The following INSYN2B variants were observed in gnomAD, a reference collection of about 807,000 sequenced individuals.
INSYN2B encodes inhibitory synaptic factor family member 2B, also known as protein INSYN2B.
INSYN2B carries 16 observed loss-of-function variants against 41.2 expected under a neutral mutation model. The ratio of observed to expected loss-of-function variants is 0.39; its 90% CI spans 0.26 to 0.59. The LOEUF is 0.59. Among genes scored for constraint, INSYN2B ranks in the 20% least tolerant of loss-of-function variants. The pLI, the probability that INSYN2B is intolerant of heterozygous loss-of-function variation, is 0.57. For missense variants in INSYN2B, 608 were observed against 646.4 expected, an observed-to-expected ratio of 0.94 and a Z score of 0.64; for synonymous variants, 245 against 244.4, an observed-to-expected ratio of 1.00 and a Z score of -0.02.
At chr5:169,868,608 A>C (rs1344955058) in intron 3 of INSYN2B, among the ~76,000 whole-genome samples, 1 of 152,130 alleles carries the variant, frequency 6.6e-6, no homozygotes, top group African/African-American at 2.4e-5. Context: ...AAAGTAAAAA[A>C]TTAGCCATGT....
At chr5:169,955,831 G>A (rs556686927) in intron 1 of INSYN2B, among the ~76,000 whole-genome samples, 9 of 152,288 alleles carry the variant, frequency 5.9e-5, no homozygotes, top group African/African-American at 1.9e-4. Context: ...AGGCTCCATC[G>A]ATTCAGTTCC....
At chr5:169,948,593 A>C (rs1776537228) in intron 1 of INSYN2B, among the ~76,000 whole-genome samples, 2 of 137,666 alleles carry the variant, frequency 1.5e-5, no homozygotes, top group African/African-American at 5.4e-5. Context: ...CTCCTTTCTT[A>C]TTCCTTCCTT....
chr5:169,864,311 T>C lies in INSYN2B; in HGVS notation c.1570A>G (p.Thr524Ala). 1.3e-6 allele frequency: 2 copies of C among 1,551,574 alleles called. No homozygotes were observed. Among genetic ancestry groups the C allele is most frequent in the South Asian group, 1.2e-5 (1 of 84,056 alleles). Residue 524 changes from threonine to alanine, a missense_variant, in exon 4 of 4, where the codon ACC becomes GCC. Transcript: ENST00000377365. Reference protein sequence around the residue: ...APEKQDLRRKTKKVKKKCFWW... With the variant: ...APEKQDLRRKAKKVKKKCFWW... ...AAGCATTTCTTTTTCACCTTCTTGGTTTTCCGCCTTAAGTCCTGCTTTTCC... is the reference window on the plus strand; with the variant it reads ...AAGCATTTCTTTTTCACCTTCTTGGCTTTCCGCCTTAAGTCCTGCTTTTCC...
At chr5:169,978,482 G>A (rs1488224770) in intron 1 of INSYN2B, among the ~76,000 whole-genome samples, 2 of 149,994 alleles carry the variant, frequency 1.3e-5, no homozygotes, top group Non-Finnish European at 3.0e-5. Flanking sequence ...TATTGGCATT[G>A]TCAATATCAT....
chr5:169,977,688 A>G (rs938486330), intron 1 of INSYN2B, among the ~76,000 whole-genome samples: 1 of 152,308 alleles, frequency 6.6e-6, no homozygotes, highest in Admixed American at 6.5e-5. Flanking sequence ...GTACTGCCTT[A>G]TCCATCCTGC....
At chr5:169,880,587 C>T (rs1317997613) in intron 3 of INSYN2B, among the ~76,000 whole-genome samples, 1 of 152,210 alleles carries the variant, frequency 6.6e-6, no homozygotes, top group African/African-American at 2.4e-5. Flanking sequence ...GGGCATTGAT[C>T]TTTCTAGTAA....
chr5:169,893,867 T>C (rs1031328943), intron 1 of INSYN2B, among the ~76,000 whole-genome samples: 27 of 152,144 alleles, frequency 1.8e-4, no homozygotes, highest in African/African-American at 6.3e-4. Flanking sequence ...GGCAGGAAAA[T>C]CGTTTTCCAT....
intron 1 of INSYN2B, among the ~76,000 whole-genome samples, chr5:169,890,979 A>G (rs79880772): frequency 0.02 from 3,014 of 152,254 alleles, 102 homozygotes; most frequent in African/African-American, 0.069. Context: ...GTCCCACTAC[A>G]TTTAAATTAA....
intron 3 of INSYN2B, among the ~76,000 whole-genome samples, chr5:169,868,062 G>C (rs1309528444): frequency 6.6e-6 from 1 of 152,144 alleles, no homozygotes; most frequent in African/African-American, 2.4e-5. Context: ...GTACCAGATA[G>C]AGCCAAAGAG....
chr5:169,880,132 T>C (rs1772553741), intron 3 of INSYN2B, among the ~76,000 whole-genome samples: 1 of 152,230 alleles, frequency 6.6e-6, no homozygotes, highest in African/African-American at 2.4e-5. Flanking sequence ...TTTCCAATGC[T>C]GCAGGGCTCT....
intron 1 of INSYN2B, among the ~76,000 whole-genome samples, chr5:169,895,446 T>C (rs115796250): frequency 0.062 from 9,342 of 151,044 alleles, 359 homozygotes; most frequent in Non-Finnish European, 0.088. Context: ...GGACAGGGGG[T>C]GGTCTCACTC....
In INSYN2B at chr5:169,881,272, C is replaced by T; in HGVS notation, c.1421+96G>A. The stretch of plus-strand genomic sequence containing the variant: ...TCATAGTTAAATACCTTGTTTTTGC[C>T]TCTCTTGACTTTTTGCATTTAAAAG... On this transcript the variant is annotated intron_variant, in intron 3 of 3. Coordinates refer to ENST00000377365, the MANE Select transcript of INSYN2B (RefSeq NM_001129891.3). 4 of 1,007,336 alleles carry T rather than the reference C, an allele frequency of 4.0e-6. No individual in the cohort carries two copies. The Admixed American group carries it at 6.9e-5, about 17-fold the overall frequency. The allele number at this position is 1,007,336 out of a possible 1,614,324, so 62.4% of individuals were successfully genotyped here.
At chr5:169,974,602 G>C (rs771666282) in intron 1 of INSYN2B, among the ~76,000 whole-genome samples, 1 of 152,128 alleles carries the variant, frequency 6.6e-6, no homozygotes, top group Non-Finnish European at 1.5e-5. Flanking sequence ...ATGTTTGCAG[G>C]AAAGAGTGGG....
rs367947055 is a variant in INSYN2B at position 169,931,390 on chromosome 5, G to A, written c.-918-46574C>T. Among the ~76,000 whole-genome samples, 39 of 152,236 alleles carry A rather than the reference G, an allele frequency of 2.6e-4. 1 individual carries two copies. The highest frequency in any genetic ancestry group is 2.1e-3 in the South Asian group (10 of 4,816). The stretch of plus-strand genomic sequence containing the variant: ...GCTTGCCTTGATATTGCCGCCTCTC[G>A]GCAATTGAACACTTCTCCCGTTCGC... On this transcript the variant is annotated intron_variant, in intron 1 of 3. Transcript: ENST00000377365.
intron 1 of INSYN2B, among the ~76,000 whole-genome samples, chr5:169,905,322 AC>A (rs1289989136): frequency 1.1e-4 from 16 of 151,368 alleles, no homozygotes; most frequent in African/African-American, 3.6e-4. Flanking sequence ...AGAAGCCAGA[AC>A]TCTGTGTTAA....
rs1186449441 is a variant in INSYN2B at position 169,884,312 on chromosome 5, A to G, written c.-414T>C. 6.3e-6 allele frequency: 1 copy of G among 157,874 alleles called. No homozygotes were observed. Among genetic ancestry groups the G allele is most frequent in the East Asian group, 1.9e-4 (1 of 5,364 alleles). 9.8% of individuals were successfully genotyped at this position (157,874 alleles called of 1,614,324 possible). ...ATTTAGGGGGTAGTGCCAGACTCCC[A>G]ATGAGTGAATTCCAAAAGAAACCTG... On this transcript the variant is annotated 5_prime_UTR_variant, in exon 2 of 4. Coordinates refer to ENST00000377365, the MANE Select transcript of INSYN2B (RefSeq NM_001129891.3).
At chr5:169,935,075 G>A (rs140233577) in intron 1 of INSYN2B, among the ~76,000 whole-genome samples, 1,548 of 152,282 alleles carry the variant, frequency 0.01, 20 homozygotes, top group African/African-American at 0.036. Flanking sequence ...GTCCACGTGG[G>A]CAGGAAGCTA....
At chr5:169,966,267 A>G (rs17738158) in intron 1 of INSYN2B, among the ~76,000 whole-genome samples, 41,279 of 152,034 alleles carry the variant, frequency 0.27, 6,168 homozygotes, top group East Asian at 0.45. Context: ...AATGGGCTGC[A>G]AATGTGTACA....
chr5:169,888,484 A>C (rs950429815), intron 1 of INSYN2B, among the ~76,000 whole-genome samples: 4 of 152,220 alleles, frequency 2.6e-5, no homozygotes, highest in African/African-American at 9.7e-5. Context: ...CCTTTGGCCC[A>C]CAGCAAATGG....
Sources: allele counts gnomAD v4.1 joint callset (sites outside exome capture counted in the v4.1 genomes callset), GRCh38; gene constraint gnomAD v4.1.1; transcripts MANE v1.5; gene names NCBI Gene and HGNC (gene_info 2026-07-23, HGNC 2026-07-21).